Variants in IGFBP6 observed in about 807,000 individuals in gnomAD.
The protein encoded by IGFBP6 is insulin like growth factor binding protein 6, also known as insulin-like growth factor-binding protein 6.
IGFBP6 carries 24 observed loss-of-function variants against 24.5 expected under a neutral mutation model. The ratio of observed to expected loss-of-function variants is 0.98; its 90% CI spans 0.71 to 1.38. The LOEUF (loss-of-function observed/expected upper bound fraction) is 1.38, where lower values mean the gene tolerates loss of function less well. IGFBP6 is among the 40% of genes most tolerant of loss of function. IGFBP6 has a pLI of 0.00. For synonymous variants in IGFBP6, 147 were observed against 137.4 expected (o/e 1.07, Z -0.49); for missense variants, 331 against 324.8 (o/e 1.02, Z -0.15).
rs956598824 is a variant in IGFBP6, at chr12:53,102,245, C to T, written c.*78C>T. ...TCACTCAACAAAAAACCGAGGCCCT[C>T]AATCCACCTTCAGGCCCCGCCCCAT... On this transcript the variant is annotated 3_prime_UTR_variant, in exon 4 of 4. Coordinates refer to ENST00000301464, the MANE Select transcript of IGFBP6 (RefSeq NM_002178.3). 33 of 1,545,378 alleles carry T rather than the reference C, an allele frequency of 2.1e-5. No homozygotes were observed. In the African/African-American group the frequency reaches 4.1e-4, roughly 19 times the overall value.
chr12:53,101,532 C>T (rs1292035646), intron 3 of IGFBP6, among the ~76,000 whole-genome samples: 2 of 152,202 alleles, frequency 1.3e-5, no homozygotes, highest in African/African-American at 2.4e-5. Flanking sequence ...GATTTGGGAA[C>T]GTCACTTTGA....
chr12:53,100,861 C>T lies in IGFBP6; in HGVS notation c.480+4C>T, dbSNP rs41485645. 5.6e-3 allele frequency: 9,078 copies of T among 1,613,994 alleles called. 37 individuals carry two copies. The highest frequency in any genetic ancestry group is 6.7e-3 in the Non-Finnish European group (7,911 of 1,179,968). On this transcript the variant is annotated splice_donor_region_variant and intron_variant, in intron 2 of 3. Coordinates refer to ENST00000301464, the MANE Select transcript of IGFBP6 (RefSeq NM_002178.3). ...GGGTGTCCAAGACACTGAGATGGTG[C>T]GTTTGGAGCTGGTAGGGAGCAGGAG...
chr12:53,102,260 C>A lies in IGFBP6; in HGVS notation c.*93C>A. On this transcript the variant is annotated 3_prime_UTR_variant, in exon 4 of 4. Transcript: ENST00000301464. ...CCGAGGCCCTCAATCCACCTTCAGG[C>A]CCCGCCCCATGGGCCCCTCACCGCT... The A allele has an allele frequency of 1.4e-6, 2 of 1,449,412 alleles. No homozygotes were observed. Among genetic ancestry groups the A allele is most frequent in the Non-Finnish European group, 1.9e-6 (2 of 1,065,266 alleles). 89.8% of individuals were successfully genotyped at this position (1,449,412 alleles called of 1,614,324 possible).
intron 2 of IGFBP6, 59 bp downstream of exon 2, chr12:53,100,916 A>G: frequency 6.2e-7 from 1 of 1,610,232 alleles, no homozygotes; most frequent in Non-Finnish European, 8.5e-7. Flanking sequence ...CTTCCATCTG[A>G]GACTGCTCCC....
At chr12:53,102,020 C>T in intron 3 of IGFBP6, 25 bp from the exon 4 acceptor site, 1 of 1,610,586 alleles carries the variant, frequency 6.2e-7, no homozygotes, top group Admixed American at 1.7e-5. Flanking sequence ...GGCCTCACTC[C>T]TGACCTGTGT....
At chr12:53,101,510 C>T (rs1937827506) in intron 3 of IGFBP6, among the ~76,000 whole-genome samples, 2 of 152,236 alleles carry the variant, frequency 1.3e-5, no homozygotes, top group Middle Eastern at 3.4e-3. Flanking sequence ...TAACATGTTC[C>T]CTCGTGATCC....
chr12:53,099,566 C>A (rs1818514614), intron 1 of IGFBP6, among the ~76,000 whole-genome samples: 1 of 152,116 alleles, frequency 6.6e-6, no homozygotes, highest in East Asian at 1.9e-4. Context: ...CCTGTTGGCC[C>A]CCCTCCTACA....
At chr12:53,100,672 G>GA in intron 1 of IGFBP6, 40 bp from the exon 2 acceptor site, 1 of 1,611,190 alleles carries the variant, frequency 6.2e-7, no homozygotes, top group Non-Finnish European at 8.5e-7. Flanking sequence ...ACATGGCTCT[G>GA]CCTGATTTCT....
Position 53,097,856 on chromosome 12 carries a change from G to A in IGFBP6, c.139G>A (p.Glu47Lys). The A allele has an allele frequency of 1.3e-6, 2 of 1,523,602 alleles. No homozygotes were observed. Among genetic ancestry groups the A allele is most frequent in the African/African-American group, 1.4e-5 (1 of 72,248 alleles). The allele number at this position is 1,523,602 out of a possible 1,614,324, so 94.4% of individuals were successfully genotyped here. Residue 47 changes from glutamate (E) to lysine (K), a missense_variant, in exon 1 of 4, where the codon GAG becomes AAG. By Grantham distance (56) the Glu-to-Lys change is moderately conservative (BLOSUM62 1). Coordinates refer to ENST00000301464, the MANE Select transcript of IGFBP6 (RefSeq NM_002178.3). ...QAGCPGGCVE[E>K]EDGGSPAEGC... ...GGGTTGTCCAGGGGGCTGCGTGGAGGAGGAGGATGGGGGGTCGCCAGCCGA... is the reference window on the plus strand; with the variant it reads ...GGGTTGTCCAGGGGGCTGCGTGGAGAAGGAGGATGGGGGGTCGCCAGCCGA...
At position 53,102,053 on chromosome 12, in the gene IGFBP6, C is replaced by G. The variant is rs1338888464; in HGVS notation, c.609C>G (p.Ser203=). ...RGFYRKRQCR[S]SQGQRRGPCW... is the part of the protein sequence containing the mutation. ...TGTGCCTCTCTCTCCAGTGCCGCTCCTCCCAGGGGCAGCGCCGAGGTCCCT... is the reference window on the plus strand; with the variant it reads ...TGTGCCTCTCTCTCCAGTGCCGCTCGTCCCAGGGGCAGCGCCGAGGTCCCT... Residue 203 remains serine (S), a synonymous_variant, in exon 4 of 4, where the codon TCC becomes TCG. Coordinates refer to ENST00000301464, the MANE Select transcript of IGFBP6 (RefSeq NM_002178.3). 1 of 1,613,678 alleles carries G rather than the reference C, an allele frequency of 6.2e-7. No homozygotes were observed. The highest frequency in any genetic ancestry group is 1.1e-5 in the South Asian group (1 of 91,066).
chr12:53,097,964 C>A lies in IGFBP6; in HGVS notation c.247C>A (p.Gln83Lys). The change falls in exon 1 of 4, where the codon CAG (glutamine) becomes AAG (lysine). Residue 83 changes from glutamine to lysine, a missense_variant. Gln to Lys is a moderately conservative substitution (Grantham distance 53). Coordinates refer to ENST00000301464, the MANE Select transcript of IGFBP6 (RefSeq NM_002178.3). Reference protein sequence around the residue: ...VYTPNCAPGLQCHPPKDDEAP... With the variant: ...VYTPNCAPGLKCHPPKDDEAP... ...CACCCCTAACTGCGCCCCAGGACTG[C>A]AGTGCCATCCGCCCAAGGACGACGA... 1 of 1,516,012 alleles carries A rather than the reference C, an allele frequency of 6.6e-7. No homozygotes were observed. Among genetic ancestry groups the A allele is most frequent in the South Asian group, 1.2e-5 (1 of 80,890 alleles). 93.9% of individuals were successfully genotyped at this position (1,516,012 alleles called of 1,614,324 possible).
chr12:53,097,723 C>CA lies in IGFBP6; in HGVS notation c.6_7insA (p.Pro3ThrfsTer59), dbSNP rs1253027596. 6.5e-7 allele frequency: 1 copy of CA among 1,544,840 alleles called. No homozygotes were observed. Among genetic ancestry groups the CA allele is most frequent in the Non-Finnish European group, 8.7e-7 (1 of 1,146,426 alleles). On this transcript the variant is annotated frameshift_variant, in exon 1 of 4. Transcript: ENST00000301464. LOFTEE classifies it high-confidence loss of function. ...ACGGGGCACAAACCCTGACCATGAC[C>CA]CCCCACAGGCTGCTGCCACCGCTGC... is the stretch of plus-strand genomic sequence containing the variant.
chr12:53,098,474 G>T (rs149062634), intron 1 of IGFBP6, among the ~76,000 whole-genome samples: 1 of 152,238 alleles, frequency 6.6e-6, no homozygotes, highest in African/African-American at 2.4e-5. Context: ...AAGGGGAGGG[G>T]AACCCCAGAC....
Position 53,100,765 on chromosome 12 carries a change from C to A in IGFBP6, c.388C>A (p.Gln130Lys). The A allele has an allele frequency of 6.2e-7, 1 of 1,614,176 alleles. No homozygotes were observed. Among genetic ancestry groups the A allele is most frequent in the East Asian group, 2.2e-5 (1 of 44,886 alleles). ...SKPQAGTARP[Q>K]DVNRRDQQRN... Reference sequence around the variant, plus strand: ...ACCCCAAGCAGGCACTGCCCGCCCACAGGATGTGAACCGCAGAGACCAACA... The same window carrying A: ...ACCCCAAGCAGGCACTGCCCGCCCAAAGGATGTGAACCGCAGAGACCAACA... The change falls in exon 2 of 4, where the codon CAG becomes AAG. Residue 130 changes from glutamine to lysine, a missense_variant. Transcript: ENST00000301464.
At position 53,102,031 on chromosome 12, in the gene IGFBP6, G is replaced by A. The variant is rs755628499; in HGVS notation, c.601-14G>A. On this transcript the variant is annotated splice_polypyrimidine_tract_variant and intron_variant, in intron 3 of 3. Coordinates refer to ENST00000301464, the MANE Select transcript of IGFBP6 (RefSeq NM_002178.3). The stretch of plus-strand genomic sequence containing the variant: ...CTCTGGCCTCACTCCTGACCTGTGT[G>A]CCTCTCTCTCCAGTGCCGCTCCTCC... 2 of 1,611,642 alleles carry A rather than the reference G, an allele frequency of 1.2e-6. No individual in the cohort carries two copies. The highest frequency in any genetic ancestry group is 1.7e-5 in the Admixed American group (1 of 59,926).
rs376621848 is a variant in IGFBP6 at position 53,102,167 on chromosome 12, A to G, written c.723A>G (p.Ter241=). The G allele has an allele frequency of 1.9e-6, 3 of 1,613,710 alleles. No individual in the cohort carries two copies. Among genetic ancestry groups the G allele is most frequent in the Non-Finnish European group, 2.5e-6 (3 of 1,179,928 alleles). ...SSSCPTGSSG[*] ...CCTGCCCCACTGGGAGTAGCGGCTA[A>G]AGCTGGGGGATAGAGGGGCTGCAGG... Residue 241 remains the stop codon, a stop_retained_variant, in exon 4 of 4, where the codon TAA becomes TAG. Coordinates refer to ENST00000301464, the MANE Select transcript of IGFBP6 (RefSeq NM_002178.3).
Position 53,097,990 on chromosome 12 carries a change from G to A in IGFBP6, c.273G>A (p.Glu91=). The change falls in exon 1 of 4, where the codon GAG becomes GAA. Residue 91 remains glutamate (E), a synonymous_variant. Coordinates refer to ENST00000301464, the MANE Select transcript of IGFBP6 (RefSeq NM_002178.3). ...AGTGCCATCCGCCCAAGGACGACGA[G>A]GCGCCTTTGCGGGCGCTGCTGCTCG... ...GLQCHPPKDD[E]APLRALLLGR... 1 of 1,517,200 alleles carries A rather than the reference G, an allele frequency of 6.6e-7. No homozygotes were observed. Among genetic ancestry groups the A allele is most frequent in the African/African-American group, 1.4e-5 (1 of 70,040 alleles). 94.0% of individuals were successfully genotyped at this position (1,517,200 alleles called of 1,614,324 possible).
chr12:53,100,031 TG>T (rs1473914858), intron 1 of IGFBP6, among the ~76,000 whole-genome samples: 2 of 152,122 alleles, frequency 1.3e-5, no homozygotes, highest in Non-Finnish European at 2.9e-5. Flanking sequence ...GGCTAATTTT[TG>T]TATTTTTAGT....
At position 53,101,087 on chromosome 12, in the gene IGFBP6, C is replaced by T. The variant is rs1367876993; in HGVS notation, c.527C>T (p.Thr176Ile). The T allele has an allele frequency of 6.2e-7, 1 of 1,614,214 alleles. No individual in the cohort carries two copies. Among genetic ancestry groups the T allele is most frequent in the East Asian group, 2.2e-5 (1 of 44,892 alleles). Residue 176 changes from threonine (T) to isoleucine (I), a missense_variant, in exon 3 of 4, where the codon ACT becomes ATT. Thr to Ile is a moderately conservative substitution (Grantham distance 89). Coordinates refer to ENST00000301464, the MANE Select transcript of IGFBP6 (RefSeq NM_002178.3). The part of the protein sequence containing the change: ...HLDSVLQQLQ[T>I]EVYRGAQTLY... The stretch of plus-strand genomic sequence containing the variant: ...GACTCAGTGCTGCAGCAACTCCAGA[C>T]TGAGGTCTACCGAGGGGCTCAAACA...
Sources: gnomAD v4.1 joint callset for allele counts (sites outside exome capture counted in the v4.1 genomes callset) on GRCh38, gnomAD v4.1.1 for gene constraint, MANE v1.5 for transcripts, NCBI Gene and HGNC (gene_info 2026-07-23, HGNC 2026-07-21) for gene names.